The following MGAT5 variants were observed in gnomAD, a reference collection of about 807,000 sequenced individuals.
The protein encoded by MGAT5 is alpha-1,6-mannosylglycoprotein 6-beta-N-acetylglucosaminyltransferase.
MGAT5 carries 30 observed loss-of-function variants against 94.3 expected under a neutral mutation model. That is an observed-to-expected ratio of 0.32 (90% confidence interval 0.24 to 0.43). The LOEUF is 0.43. Ranked by LOEUF, MGAT5 falls within the 20% of genes least tolerant of loss-of-function variation. The probability of loss-of-function intolerance (pLI) is 1.00; values close to 1 mark genes in which losing one functional copy is unlikely to be tolerated. For synonymous variants in MGAT5, 310 were observed against 322.9 expected (o/e 0.96, Z 0.43); for missense variants, 691 against 905.5 (o/e 0.76, Z 3.04).
intron 2 of MGAT5, among the ~76,000 whole-genome samples, chr2:134,312,114 A>G (rs1180666977): frequency 2.6e-5 from 4 of 152,098 alleles, no homozygotes; most frequent in South Asian, 4.1e-4. Context: ...ACCAGTCACA[A>G]TGGCACACAC....
chr2:134,351,766 C>T (rs1012516015), intron 9 of MGAT5, among the ~76,000 whole-genome samples: 8 of 152,218 alleles, frequency 5.3e-5, no homozygotes, highest in African/African-American at 1.9e-4. Context: ...GGCAAAACAA[C>T]AACCAGTAAC....
At chr2:134,399,709 T>C (rs540130560) in intron 10 of MGAT5, among the ~76,000 whole-genome samples, 1 of 152,264 alleles carries the variant, frequency 6.6e-6, no homozygotes, top group East Asian at 1.9e-4. Flanking sequence ...CTTAGTCTCT[T>C]AAGTTGGAGA....
intron 9 of MGAT5, among the ~76,000 whole-genome samples, chr2:134,358,859 A>G (rs578217697): frequency 7.9e-5 from 12 of 152,222 alleles, no homozygotes; most frequent in Non-Finnish European, 1.8e-4. Flanking sequence ...GTTTGTCAAT[A>G]CTTATCATAT....
At chr2:134,318,213 C>T (rs1456006452) in intron 3 of MGAT5, among the ~76,000 whole-genome samples, 13 of 152,238 alleles carry the variant, frequency 8.5e-5, no homozygotes, top group Non-Finnish European at 1.9e-4. Context: ...TGGGTGGTAT[C>T]CATGTGGGCC....
intron 10 of MGAT5, among the ~76,000 whole-genome samples, chr2:134,374,264 T>G (rs1681015886): frequency 6.6e-6 from 1 of 152,138 alleles, no homozygotes; most frequent in African/African-American, 2.4e-5. Flanking sequence ...TAGTATGGAT[T>G]TGCACCTGGG....
chr2:134,227,932 CCAGACATTAGGTAGA>C, intron 1 of MGAT5, among the ~76,000 whole-genome samples: 1 of 151,986 alleles, frequency 6.6e-6, no homozygotes, highest in Middle Eastern at 3.2e-3. Context: ...CACTCACCTG[CCAGACATTAGGTAGA>C]CAGAATGCAC....
At chr2:134,386,896 G>A (rs894132857) in intron 10 of MGAT5, among the ~76,000 whole-genome samples, 1 of 152,292 alleles carries the variant, frequency 6.6e-6, no homozygotes, top group East Asian at 1.9e-4. Context: ...AAAAGTTGGA[G>A]TGAAGATTAA....
intron 1 of MGAT5, among the ~76,000 whole-genome samples, chr2:134,238,902 C>G (rs528886971): frequency 6.6e-6 from 1 of 152,216 alleles, no homozygotes; most frequent in Non-Finnish European, 1.5e-5. Flanking sequence ...GAGATCATGC[C>G]ACTACTGTAT....
At chr2:134,324,104 TTTTTTTC>T (rs1687503794) in intron 4 of MGAT5, among the ~76,000 whole-genome samples, 1 of 152,196 alleles carries the variant, frequency 6.6e-6, no homozygotes, top group African/African-American at 2.4e-5. Flanking sequence ...CACTGGCACT[TTTTTTTC>T]TTTTTAAACA....
intron 4 of MGAT5, among the ~76,000 whole-genome samples, chr2:134,322,805 G>T (rs1362715954): frequency 6.6e-6 from 1 of 152,062 alleles, no homozygotes; most frequent in Non-Finnish European, 1.5e-5. Context: ...GGTTTCTCTT[G>T]CAACTGGGGA....
chr2:134,170,915 A>G lies in MGAT5; in HGVS notation c.-143+50624A>G, dbSNP rs111567704. Among the ~76,000 whole-genome samples, 1,029 of 150,776 alleles carry G rather than the reference A, an allele frequency of 6.8e-3. 6 individuals carry two copies. Among genetic ancestry groups the G allele is most frequent in the African/African-American group, 0.02 (806 of 40,864 alleles). ...GCTCTGTCACCCAGGCTGGAGTGCA[A>G]TGGTGCAATTTCGGCTCACTGTAAC... On this transcript the variant is annotated intron_variant, in intron 1 of 16. Coordinates refer to the MGAT5 transcript ENST00000409645.
At chr2:134,161,386 A>G (rs1687725620) in intron 1 of MGAT5, among the ~76,000 whole-genome samples, 1 of 152,208 alleles carries the variant, frequency 6.6e-6, no homozygotes, top group South Asian at 2.1e-4. Flanking sequence ...ACCATTGCCT[A>G]GAAGACATAT....
intron 2 of MGAT5, among the ~76,000 whole-genome samples, chr2:134,271,591 C>T (rs1203613958): frequency 6.6e-6 from 1 of 152,158 alleles, no homozygotes; most frequent in Admixed American, 6.5e-5. Flanking sequence ...CACCTCCCAG[C>T]GTCAAAACAT....
At chr2:134,379,875 T>C (rs1558840169) in intron 10 of MGAT5, among the ~76,000 whole-genome samples, 1 of 152,242 alleles carries the variant, frequency 6.6e-6, no homozygotes, top group Non-Finnish European at 1.5e-5. Flanking sequence ...AGCTGTGTTC[T>C]TGTGGCGAAA....
At chr2:134,427,575 A>G (rs1382080859) in intron 13 of MGAT5, among the ~76,000 whole-genome samples, 1 of 152,072 alleles carries the variant, frequency 6.6e-6, no homozygotes, top group East Asian at 1.9e-4. Context: ...ACCTCGTCTC[A>G]CCAGTTCCCA....
chr2:134,119,940 C>G (rs989509315), upstream of MGAT5: 2 of 151,912 alleles, frequency 1.3e-5, no homozygotes, highest in Admixed American at 1.3e-4. Flanking sequence ...CTTCTAGAGC[C>G]GCGAGCCCAG....
intron 1 of MGAT5, among the ~76,000 whole-genome samples, chr2:134,245,174 G>A (rs1373750307): frequency 6.6e-6 from 1 of 152,036 alleles, no homozygotes; most frequent in Admixed American, 6.6e-5. Flanking sequence ...CACCACGCCC[G>A]GCTAATTTTT....
chr2:134,217,537 C>T (rs951280488), intron 1 of MGAT5, among the ~76,000 whole-genome samples: 1 of 152,170 alleles, frequency 6.6e-6, no homozygotes, highest in African/African-American at 2.4e-5. Flanking sequence ...TGGAAAGACA[C>T]TGCATTGGCT....
At chr2:134,303,235 C>T (rs915181999) in intron 2 of MGAT5, among the ~76,000 whole-genome samples, 4 of 151,974 alleles carry the variant, frequency 2.6e-5, no homozygotes, top group Non-Finnish European at 4.4e-5. Flanking sequence ...TTATAATAAC[C>T]GCTTTAAATT....
Sources: gnomAD v4.1 joint callset for allele counts (sites outside exome capture counted in the v4.1 genomes callset) on GRCh38, gnomAD v4.1.1 for gene constraint, MANE v1.5 for transcripts, NCBI Gene and HGNC (gene_info 2026-07-23, HGNC 2026-07-21) for gene names.